The following DMD variants were observed in gnomAD, a reference collection of about 807,000 sequenced individuals.
The protein encoded by DMD is mutant dystrophin.
DMD carries 63 observed loss-of-function variants against 330.1 expected under a neutral mutation model. The ratio of observed to expected loss-of-function variants is 0.19; its 90% CI spans 0.16 to 0.24. The LOEUF is 0.24. Among genes scored for constraint, DMD ranks in the 10% least tolerant of loss-of-function variants. DMD has a pLI of 1.00. For missense variants in DMD, 3,344 were observed against 2,684.1 expected (o/e 1.25, Z -5.43); for synonymous variants, 1,223 against 959.8 (o/e 1.27, Z -5.07).
intron 32 of DMD, among the ~76,000 whole-genome samples, chrX:32,387,443 C>A (rs1020733328): frequency 9.0e-6 from 1 of 111,092 alleles, no homozygotes; most frequent in African/African-American, 3.3e-5. Flanking sequence ...ACTATCAGTA[C>A]TTATTTTAGT....
chrX:31,887,606 T>C (rs1274571960), intron 47 of DMD, among the ~76,000 whole-genome samples: 1 of 112,109 alleles, frequency 8.9e-6, no homozygotes, highest in Non-Finnish European at 1.9e-5. Flanking sequence ...GTAATAAAAG[T>C]TCCACCTCCT....
At chrX:33,142,681 T>C (rs1379639718) in intron 1 of DMD, among the ~76,000 whole-genome samples, 1 of 112,462 alleles carries the variant, frequency 8.9e-6, no homozygotes, top group Non-Finnish European at 1.9e-5. Context: ...ATAAGGTTAA[T>C]GGAATTAAGT....
intron 7 of DMD, among the ~76,000 whole-genome samples, chrX:32,783,778 T>C (rs1403907344): frequency 9.0e-6 from 1 of 110,904 alleles, no homozygotes; most frequent in Non-Finnish European, 1.9e-5. Flanking sequence ...CATCCACAGA[T>C]TTTAGTATCT....
At chrX:31,896,916 CT>C (rs765157062) in intron 47 of DMD, among the ~76,000 whole-genome samples, 1,305 of 107,085 alleles carry the variant, frequency 0.012, 17 homozygotes, top group African/African-American at 0.041. Flanking sequence ...TTGCTTTTTT[CT>C]TTTTTTTTTC....
At chrX:32,013,200 C>T (rs1329071519) in intron 44 of DMD, among the ~76,000 whole-genome samples, 1 of 100,725 alleles carries the variant, frequency 9.9e-6, no homozygotes, top group Non-Finnish European at 2.0e-5. Context: ...AATTCTCCTG[C>T]CTCAGCCTGC....
chrX:31,721,879 A>G (rs1184846826), intron 52 of DMD, among the ~76,000 whole-genome samples: 1 of 107,194 alleles, frequency 9.3e-6, no homozygotes, highest in African/African-American at 3.4e-5. Context: ...ACCTAGATAA[A>G]TGTTCTCAGG....
chrX:32,730,047 C>T (rs1356312174), intron 7 of DMD, among the ~76,000 whole-genome samples: 5 of 111,857 alleles, frequency 4.5e-5, no homozygotes, highest in East Asian at 2.8e-4. Flanking sequence ...TAAAATGTAA[C>T]GTGGGCCAGG....
At chrX:32,525,361 C>G (rs1368324673) in intron 17 of DMD, among the ~76,000 whole-genome samples, 2 of 111,186 alleles carry the variant, frequency 1.8e-5, no homozygotes, top group Non-Finnish European at 3.8e-5. Flanking sequence ...AGTGGATAGC[C>G]TCATCTCTTT....
intron 76 of DMD, 141 bp downstream of exon 76, chrX:31,146,150 C>CT: frequency 1.3e-6 from 1 of 763,094 alleles, no homozygotes; most frequent in Non-Finnish European, 2.0e-6. Context: ...TCTTTTTAGA[C>CT]TTTTTTCGCC....
At chrX:31,259,740 T>C (rs2050325042) in intron 63 of DMD, among the ~76,000 whole-genome samples, 1 of 111,626 alleles carries the variant, frequency 9.0e-6, no homozygotes, top group Admixed American at 9.6e-5. Flanking sequence ...TTTTGGCTAA[T>C]ATCTCTTCTC....
chrX:32,014,612 T>C (rs1216262110), intron 44 of DMD, among the ~76,000 whole-genome samples: 1 of 111,861 alleles, frequency 8.9e-6, no homozygotes, highest in African/African-American at 3.2e-5. Flanking sequence ...CCCTACCTTC[T>C]ACCTCCCAGA....
chrX:31,850,190 A>G (rs2093498467), intron 48 of DMD, among the ~76,000 whole-genome samples: 1 of 111,681 alleles, frequency 9.0e-6, no homozygotes. Context: ...CCCACAATTA[A>G]CAGTTTTTCT....
intron 48 of DMD, among the ~76,000 whole-genome samples, chrX:31,844,541 A>C (rs1293699978): frequency 9.0e-6 from 1 of 111,698 alleles, no homozygotes; most frequent in Admixed American, 9.5e-5. Flanking sequence ...ATTTTAGGAT[A>C]GTTTTTTATA....
intron 2 of DMD, among the ~76,000 whole-genome samples, chrX:32,911,899 T>C (rs1235321471): frequency 9.0e-6 from 1 of 110,597 alleles, no homozygotes; most frequent in Non-Finnish European, 1.9e-5. Context: ...TTGAAACAAA[T>C]GAGAGAAGAA....
At chrX:32,335,610 AAAAC>A (rs772134330) in intron 41 of DMD, among the ~76,000 whole-genome samples, 61 of 107,685 alleles carry the variant, frequency 5.7e-4, no homozygotes, top group African/African-American at 1.6e-3. Context: ...AAAACATTAT[AAAAC>A]AAACATGTTA....
chrX:31,951,145 A>G (rs868538991), intron 45 of DMD, among the ~76,000 whole-genome samples: 62 of 71,276 alleles, frequency 8.7e-4, no homozygotes, highest in African/African-American at 2.8e-3. Flanking sequence ...ATATATGTGT[A>G]TATATATATA....
At chrX:31,598,477 T>A (rs1219873975) in intron 55 of DMD, among the ~76,000 whole-genome samples, 1 of 111,564 alleles carries the variant, frequency 9.0e-6, no homozygotes, top group African/African-American at 3.3e-5. Context: ...CACTATTTGC[T>A]TTTCAATTGC....
At chrX:31,985,889 A>G (rs181228071) in intron 44 of DMD, among the ~76,000 whole-genome samples, 1,219 of 112,105 alleles carry the variant, frequency 0.011, 56 homozygotes, top group Admixed American at 0.11. Flanking sequence ...GTGACCTGGA[A>G]AGGCTTTGGA....
intron 55 of DMD, among the ~76,000 whole-genome samples, chrX:31,551,060 G>A (rs772213105): frequency 7.2e-4 from 79 of 109,409 alleles, no homozygotes; most frequent in Non-Finnish European, 1.1e-3. Flanking sequence ...CATGCCTGTA[G>A]TCCCAGCTAC....
Sources: gnomAD v4.1 joint callset for allele counts (sites outside exome capture counted in the v4.1 genomes callset) on GRCh38, gnomAD v4.1.1 for gene constraint, MANE v1.5 for transcripts, NCBI Gene and HGNC (gene_info 2026-07-23, HGNC 2026-07-21) for gene names.